Variants in THSD4 observed in about 807,000 individuals in gnomAD.
THSD4 encodes thrombospondin type 1 domain containing 4.
THSD4 carries 69 observed loss-of-function variants against 119.0 expected under a neutral mutation model. That is an observed-to-expected ratio of 0.58 (90% CI 0.48 to 0.71). The LOEUF is 0.71. Ranked by LOEUF, THSD4 falls within the 30% of genes least tolerant of loss-of-function variation. THSD4 has a pLI of 0.00. For synonymous variants in THSD4, 524 were observed against 540.4 expected, an observed-to-expected ratio of 0.97 and a Z score of 0.42; for missense variants, 1,393 against 1,391.1, an observed-to-expected ratio of 1.00 and a Z score of -0.02.
chr15:71,765,247 C>A (rs899177310), intron 16 of THSD4, 48 bp downstream of exon 16: 24 of 1,579,404 alleles, frequency 1.5e-5, no homozygotes, highest in Non-Finnish European at 1.7e-5. Flanking sequence ...CAACGTCCCC[C>A]ACCTGAACTC....
At chr15:71,160,197 A>T (rs1323431942) in intron 3 of THSD4, among the ~76,000 whole-genome samples, 1 of 151,428 alleles carries the variant, frequency 6.6e-6, no homozygotes, top group Non-Finnish European at 1.5e-5. Flanking sequence ...TAATATTTAT[A>T]ATATGCTACT....
At chr15:71,724,287 A>ATTTTTT (rs1555445828) in intron 8 of THSD4, among the ~76,000 whole-genome samples, 1,664 of 37,152 alleles carry the variant, frequency 0.045, 215 homozygotes, top group Non-Finnish European at 0.077. Flanking sequence ...ATATATATAT[A>ATTTTTT]TTTTTTTTTT....
intron 8 of THSD4, among the ~76,000 whole-genome samples, chr15:71,685,848 C>T (rs2051896943): frequency 6.6e-6 from 1 of 152,092 alleles, no homozygotes; most frequent in Admixed American, 6.5e-5. Flanking sequence ...AGGCAAATAG[C>T]ATCTTAGAGT....
At chr15:71,101,959 C>T (rs1329137601) in intron 1 of THSD4, among the ~76,000 whole-genome samples, 2 of 152,048 alleles carry the variant, frequency 1.3e-5, no homozygotes, top group Non-Finnish European at 2.9e-5. Flanking sequence ...GGTGATCCGC[C>T]CCCTTGGCCG....
At chr15:71,296,750 A>G (rs1321385902) in intron 6 of THSD4, among the ~76,000 whole-genome samples, 1 of 152,204 alleles carries the variant, frequency 6.6e-6, no homozygotes, top group Non-Finnish European at 1.5e-5. Context: ...TGCATCTGAA[A>G]ACGTCGTATT....
chr15:71,684,519 T>G (rs980310446), intron 8 of THSD4, among the ~76,000 whole-genome samples: 8 of 64,960 alleles, frequency 1.2e-4, no homozygotes, highest in African/African-American at 5.6e-4. Flanking sequence ...CTTGTAATCT[T>G]TTTTTTTTTT....
At chr15:71,191,558 G>A (rs1270807550) in intron 3 of THSD4, among the ~76,000 whole-genome samples, 1 of 152,126 alleles carries the variant, frequency 6.6e-6, no homozygotes, top group Non-Finnish European at 1.5e-5. Context: ...GAATCAGTAG[G>A]CAGGATTATT....
chr15:71,347,628 G>A (rs2140400346), intron 6 of THSD4, among the ~76,000 whole-genome samples: 2 of 152,240 alleles, frequency 1.3e-5, no homozygotes, highest in Admixed American at 1.3e-4. Context: ...GCTGCCATGG[G>A]GTTTTTATAT....
chr15:71,760,531 T>G (rs1324014740), intron 15 of THSD4, among the ~76,000 whole-genome samples: 1 of 152,174 alleles, frequency 6.6e-6, no homozygotes, highest in Non-Finnish European at 1.5e-5. Flanking sequence ...GTCTACCAAG[T>G]CTATTATTTA....
At chr15:71,556,756 C>A (rs1173373385) in intron 7 of THSD4, among the ~76,000 whole-genome samples, 2 of 134,688 alleles carry the variant, frequency 1.5e-5, no homozygotes, top group South Asian at 2.7e-4. Context: ...CAGAGTAAGA[C>A]CCTGTCTTAA....
At chr15:71,667,823 C>T (rs928458546) in intron 8 of THSD4, among the ~76,000 whole-genome samples, 2 of 152,184 alleles carry the variant, frequency 1.3e-5, no homozygotes, top group East Asian at 3.9e-4. Flanking sequence ...ACAAACTCCA[C>T]ACTTGATCCA....
chr15:71,500,326 T>C (rs2048091109), intron 7 of THSD4, among the ~76,000 whole-genome samples: 1 of 152,130 alleles, frequency 6.6e-6, no homozygotes, highest in African/African-American at 2.4e-5. Context: ...TTAAATTAGA[T>C]TTGTTGTTGT....
At chr15:71,287,748 T>C (rs2044735992) in intron 6 of THSD4, among the ~76,000 whole-genome samples, 1 of 152,226 alleles carries the variant, frequency 6.6e-6, no homozygotes, top group East Asian at 1.9e-4. Flanking sequence ...GCCAGGAGGA[T>C]GTACTTGCAT....
intron 7 of THSD4, among the ~76,000 whole-genome samples, chr15:71,542,405 AC>A (rs1272619463): frequency 2.0e-5 from 3 of 152,218 alleles, no homozygotes; most frequent in African/African-American, 4.8e-5. Flanking sequence ...TACTATCTTT[AC>A]AGTGGAGAAA....
At chr15:71,618,116 T>C (rs1422215129) in intron 7 of THSD4, among the ~76,000 whole-genome samples, 1 of 152,222 alleles carries the variant, frequency 6.6e-6, no homozygotes, top group African/African-American at 2.4e-5. Flanking sequence ...CAAAGTGGTC[T>C]TCTGAAGAAA....
At chr15:71,158,262 T>C (rs1374867272) in intron 3 of THSD4, among the ~76,000 whole-genome samples, 1 of 151,424 alleles carries the variant, frequency 6.6e-6, no homozygotes, top group Non-Finnish European at 1.5e-5. Flanking sequence ...CAAGTGATTC[T>C]TCTGCCTCAG....
At chr15:71,224,241 G>A (rs892832947) in intron 4 of THSD4, among the ~76,000 whole-genome samples, 16 of 152,138 alleles carry the variant, frequency 1.1e-4, no homozygotes, top group Non-Finnish European at 2.4e-4. Flanking sequence ...TGCAAATGAG[G>A]GAGTGTCCAG....
intron 7 of THSD4, among the ~76,000 whole-genome samples, chr15:71,497,220 G>A (rs976715739): frequency 6.6e-6 from 1 of 152,140 alleles, no homozygotes; most frequent in Admixed American, 6.5e-5. Flanking sequence ...GTGTCTGAAA[G>A]GTATATATGT....
chr15:71,653,853 G>A (rs1401237930), intron 7 of THSD4, among the ~76,000 whole-genome samples: 1 of 152,138 alleles, frequency 6.6e-6, no homozygotes, highest in African/African-American at 2.4e-5. Context: ...AAATCAAGTG[G>A]GTGTATATGA....
Sources: gnomAD v4.1 joint callset for allele counts (sites outside exome capture counted in the v4.1 genomes callset) on GRCh38, gnomAD v4.1.1 for gene constraint, MANE v1.5 for transcripts, NCBI Gene and HGNC (gene_info 2026-07-23, HGNC 2026-07-21) for gene names.